Variants in ABCA4 observed in about 807,000 individuals in gnomAD.
ABCA4 encodes retinal-specific phospholipid-transporting ATPase ABCA4.
Under a neutral mutation model 263.7 loss-of-function variants are expected in ABCA4, and 196 were observed. That is an observed-to-expected ratio of 0.74 (90% CI 0.66 to 0.84). The LOEUF is 0.84. ABCA4 is among the 40% of genes least tolerant of loss of function. The pLI is 0.00. For synonymous variants in ABCA4, 1,133 were observed against 1,094.2 expected, an observed-to-expected ratio of 1.04 and a Z score of -0.70; for missense variants, 2,792 against 2,855.1, an observed-to-expected ratio of 0.98 and a Z score of 0.50.
At chr1:94,058,286 C>T (rs2101071936) in intron 14 of ABCA4, among the ~76,000 whole-genome samples, 2 of 152,358 alleles carry the variant, frequency 1.3e-5, no homozygotes, top group South Asian at 4.1e-4. Flanking sequence ...AAGTCCATGG[C>T]TGAACATGTG....
rs1388498000 is a variant in ABCA4 at position 94,056,531 on chromosome 1, G to C, written c.2382+70C>G. On this transcript the variant is annotated intron_variant, in intron 15 of 49. Transcript: ENST00000370225. ...TGGACCCCCTCAGAGGGCAGGCTGG[G>C]CCTCCAGGACTGCTACGGACCCTTC... 3.3e-6 allele frequency: 5 copies of C among 1,509,458 alleles called. No individual in the cohort carries two copies. The African/African-American group carries it at 5.5e-5, about 17-fold the overall frequency. The allele number at this position is 1,509,458 out of a possible 1,614,324, so 93.5% of individuals were successfully genotyped here.
Position 94,023,380 on chromosome 1 carries a change from T to G in ABCA4, c.4667+6A>C. On this transcript the variant is annotated splice_donor_region_variant and intron_variant, in intron 32 of 49. Transcript: ENST00000370225. ...GATTTTAATTCTGATAAAAATAGTT[T>G]CTTACCTCTGTTCATTGACCCAGAA... The G allele has an allele frequency of 6.2e-7, 1 of 1,603,086 alleles. No individual in the cohort carries two copies.
intron 13 of ABCA4, 130 bp from the exon 14 acceptor site, chr1:94,060,889 C>A: frequency 5.1e-6 from 4 of 776,858 alleles, no homozygotes; most frequent in Non-Finnish European, 6.6e-6. Flanking sequence ...AAAACCTCCC[C>A]TGGACATTTA....
rs145822208 is a variant in ABCA4, at chr1:94,117,610, C to T, written c.66+3370G>A. Among the ~76,000 whole-genome samples the T allele has an allele frequency of 1.5e-4, 23 of 152,246 alleles. No homozygotes were observed. In the East Asian group the frequency reaches 3.1e-3, roughly 20 times the overall value. On this transcript the variant is annotated intron_variant, in intron 1 of 49. Transcript: ENST00000370225. Reference sequence around the variant, plus strand: ...CCAACACGGGCAGATGTATACTTGTCTTGTGCAGTGGAGAGAGCGCTCGTC... The same window carrying T: ...CCAACACGGGCAGATGTATACTTGTTTTGTGCAGTGGAGAGAGCGCTCGTC...
intron 45 of ABCA4, 97 bp downstream of exon 45, chr1:94,001,761 T>C: frequency 6.4e-7 from 1 of 1,564,960 alleles, no homozygotes; most frequent in Non-Finnish European, 8.8e-7. Context: ...GCCAAACTGC[T>C]GCAGTTTCTA....
rs548292151 is a variant in ABCA4 at position 94,009,881 on chromosome 1, G to A, written c.5714+919C>T. Among the ~76,000 whole-genome samples, 9 of 152,340 alleles carry A rather than the reference G, an allele frequency of 5.9e-5. No individual in the cohort carries two copies. In the South Asian group the frequency reaches 1.7e-3, roughly 28 times the overall value. ...GAAAGGGTCTGCAGGGGCTGAGGGT[G>A]CCAAGGACAACAATTCCTGACACTG... On this transcript the variant is annotated intron_variant, in intron 40 of 49. Transcript: ENST00000370225.
At chr1:94,020,120 A>G (rs987274421) in intron 35 of ABCA4, among the ~76,000 whole-genome samples, 1 of 152,148 alleles carries the variant, frequency 6.6e-6, no homozygotes, top group Admixed American at 6.5e-5. Context: ...TGAATTTTCT[A>G]TGTTGACAGA....
At chr1:94,043,212 T>C in intron 21 of ABCA4, 124 bp downstream of exon 21, 1 of 1,385,686 alleles carries the variant, frequency 7.2e-7, no homozygotes, top group South Asian at 1.3e-5. Flanking sequence ...ATTTTTGGTG[T>C]AACTTCACAG....
At chr1:94,014,440 A>T in intron 38 of ABCA4, 103 bp downstream of exon 38, 7 of 1,351,492 alleles carry the variant, frequency 5.2e-6, no homozygotes, top group Non-Finnish European at 7.4e-6. Context: ...ACTCATCCGC[A>T]TACAGCTGCT....
chr1:94,002,322 G>A (rs1216988154), intron 44 of ABCA4, among the ~76,000 whole-genome samples: 1 of 152,224 alleles, frequency 6.6e-6, no homozygotes, highest in Non-Finnish European at 1.5e-5. Flanking sequence ...GAGGAGGAAG[G>A]CTCTGTTTGA....
intron 28 of ABCA4, 147 bp from the exon 29 acceptor site, chr1:94,030,673 G>T: frequency 1.2e-6 from 1 of 853,736 alleles, no homozygotes; most frequent in South Asian, 1.4e-5. Context: ...TCTCCTGGGA[G>T]TGCGGTAGGC....
intron 16 of ABCA4, among the ~76,000 whole-genome samples, chr1:94,052,953 G>A (rs1660879496): frequency 6.6e-6 from 1 of 152,316 alleles, no homozygotes; most frequent in South Asian, 2.1e-4. Flanking sequence ...CTGGTCACCA[G>A]AAACACCACA....
At chr1:94,102,894 T>A in intron 5 of ABCA4, 121 bp downstream of exon 5, 1 of 1,389,950 alleles carries the variant, frequency 7.2e-7, no homozygotes, top group Non-Finnish European at 1.0e-6. Flanking sequence ...AGGCATTAAG[T>A]GATGGATTCT....
intron 20 of ABCA4, among the ~76,000 whole-genome samples, chr1:94,044,045 C>A (rs1456346215): frequency 6.7e-6 from 1 of 148,664 alleles, no homozygotes; most frequent in African/African-American, 2.5e-5. Flanking sequence ...TCCCTTCCTT[C>A]TCCCCTCCCT....
intron 8 of ABCA4, 62 bp downstream of exon 8, chr1:94,080,416 G>A: frequency 6.2e-7 from 1 of 1,609,124 alleles, no homozygotes; most frequent in Non-Finnish European, 8.5e-7. Flanking sequence ...ACCTAGAAGT[G>A]TTAAACCATC....
Position 94,046,974 on chromosome 1 carries a change from C to T in ABCA4, c.2863G>A (p.Glu955Lys), listed in dbSNP as rs765680067. The T allele has an allele frequency of 1.2e-5, 19 of 1,614,122 alleles. No homozygotes were observed. The highest frequency in any genetic ancestry group is 3.3e-5 in the South Asian group (3 of 91,078). The stretch of plus-strand genomic sequence containing the variant: ...CCCAGGAATGCGGTGATCTGGTTCT[C>T]GTAGAAGGTGATGTTCAGACGGTCC... ...AVDRLNITFY[E>K]NQITAFLGHN... is the part of the protein sequence containing the mutation. The change falls in exon 19 of 50, where the codon GAG (glutamate) becomes AAG (lysine). Residue 955 changes from glutamate to lysine, a missense_variant. Glu to Lys is a moderately conservative substitution (Grantham distance 56). Coordinates refer to ENST00000370225, the MANE Select transcript of ABCA4 (RefSeq NM_000350.3).
intron 6 of ABCA4, among the ~76,000 whole-genome samples, chr1:94,085,929 T>A (rs958031033): frequency 2.6e-5 from 4 of 152,190 alleles, no homozygotes; most frequent in Non-Finnish European, 5.9e-5. Context: ...TAGATTTAGA[T>A]GCCCCTTTTT....
intron 6 of ABCA4, among the ~76,000 whole-genome samples, chr1:94,089,345 T>C (rs928750516): frequency 4.6e-5 from 7 of 152,268 alleles, no homozygotes; most frequent in Admixed American, 2.6e-4. Flanking sequence ...TTTATGAATA[T>C]AGTAAATCCT....
chr1:94,019,863 G>T, intron 35 of ABCA4, 104 bp from the exon 36 acceptor site: 2 of 1,288,288 alleles, frequency 1.6e-6, no homozygotes, highest in Non-Finnish European at 2.2e-6. Flanking sequence ...ACCCGCCCAG[G>T]TGTGGCCTCC....
Sources: allele counts gnomAD v4.1 joint callset (sites outside exome capture counted in the v4.1 genomes callset), GRCh38; gene constraint gnomAD v4.1.1; transcripts MANE v1.5; gene names NCBI Gene and HGNC (gene_info 2026-07-23, HGNC 2026-07-21).